Variants in STAU1 observed in about 807,000 individuals in gnomAD.
STAU1 encodes staufen double-stranded RNA binding protein 1.
Under a neutral mutation model 62.9 loss-of-function variants are expected in STAU1, and 13 were observed. The observed-to-expected ratio is 0.21, with a 90% CI of 0.13 to 0.33. The LOEUF (loss-of-function observed/expected upper bound fraction) is 0.33, where lower values mean the gene tolerates loss of function less well. STAU1 is among the 10% of genes least tolerant of loss of function. The pLI is 1.00. For synonymous variants in STAU1, 269 were observed against 265.1 expected (o/e 1.01, Z -0.14); for missense variants, 571 against 712.1 (o/e 0.80, Z 2.25).
At chr20:49,124,640 C>T (rs774379338) in intron 6 of STAU1, 53 bp from the exon 7 acceptor site, 1 of 1,586,334 alleles carries the variant, frequency 6.3e-7, no homozygotes, top group East Asian at 2.2e-5. Flanking sequence ...ATTAAAAGCT[C>T]CAAGGCACAC....
intron 2 of STAU1, among the ~76,000 whole-genome samples, chr20:49,166,998 G>A (rs1329398185): frequency 6.6e-6 from 1 of 152,170 alleles, no homozygotes; most frequent in Non-Finnish European, 1.5e-5. Context: ...CAAAAGTGGA[G>A]ATGAAGAAGA....
At chr20:49,153,906 CA>C (rs3092191) in intron 4 of STAU1, 26 bp downstream of exon 4, 217,360 of 1,338,430 alleles carry the variant, frequency 0.16, 1,159 homozygotes, top group East Asian at 0.23. Context: ...CTGTATTTTA[CA>C]AAAAAAAAAA....
At chr20:49,200,504 G>A in the STAU1 span, among the ~76,000 whole-genome samples, 4 of 152,074 alleles carry the variant, frequency 2.6e-5, no homozygotes, top group Non-Finnish European at 5.9e-5. Context: ...GGGAGGCTGA[G>A]GCAGGAGAAT....
intron 5 of STAU1, among the ~76,000 whole-genome samples, chr20:49,141,716 G>A (rs556905616): frequency 6.6e-6 from 1 of 150,988 alleles, no homozygotes; most frequent in South Asian, 2.1e-4. Flanking sequence ...CCAACATGAC[G>A]AAACCCCATC....
intron 5 of STAU1, among the ~76,000 whole-genome samples, chr20:49,136,301 C>T (rs1267192126): frequency 6.6e-6 from 1 of 151,956 alleles, no homozygotes; most frequent in Non-Finnish European, 1.5e-5. Flanking sequence ...AGACGCTGTC[C>T]CCCACAAAAA....
At chr20:49,136,800 C>T (rs1256489144) in intron 5 of STAU1, among the ~76,000 whole-genome samples, 3 of 152,166 alleles carry the variant, frequency 2.0e-5, no homozygotes, top group East Asian at 1.9e-4. Context: ...CAGGTTCAAG[C>T]GATTCTCCTG....
At chr20:49,158,402 T>C (rs758113858) in intron 3 of STAU1, 4 of 1,295,924 alleles carry the variant, frequency 3.1e-6, no homozygotes, top group South Asian at 2.5e-5. Context: ...TCTAGGTCAT[T>C]TAAATTTGGT....
chr20:49,179,446 A>G (rs1252470279), intron 1 of STAU1, among the ~76,000 whole-genome samples: 1 of 152,200 alleles, frequency 6.6e-6, no homozygotes, highest in Non-Finnish European at 1.5e-5. Flanking sequence ...CCAAAAGGAA[A>G]CTTATTTGCC....
intron 1 of STAU1, among the ~76,000 whole-genome samples, chr20:49,187,758 G>C (rs2093806289): frequency 7.2e-6 from 1 of 139,370 alleles, no homozygotes; most frequent in African/African-American, 2.8e-5. Context: ...CAGCCCTCGG[G>C]GACCTGAAGC....
the STAU1 span, among the ~76,000 whole-genome samples, chr20:49,196,553 G>A: frequency 2.6e-5 from 4 of 152,138 alleles, no homozygotes; most frequent in South Asian, 2.1e-4. Context: ...TTGGGAGGCC[G>A]AGGCCGGCAG....
At chr20:49,139,130 A>G (rs181728941) in intron 5 of STAU1, among the ~76,000 whole-genome samples, 8 of 152,238 alleles carry the variant, frequency 5.3e-5, no homozygotes, top group East Asian at 3.8e-4. Context: ...CTAAAACAGT[A>G]AAGTTCCTAG....
rs2093527505 is a variant in STAU1, at chr20:49,166,425, AAT to A, written c.-84-142_-84-141del. 4 of 544,112 alleles carry A rather than the reference AAT, an allele frequency of 7.4e-6. No homozygotes were observed. The East Asian group carries it at 9.4e-5, about 13-fold the overall frequency. The allele number at this position is 544,112 out of a possible 1,614,324, so 33.7% of individuals were successfully genotyped here. On this transcript the variant is annotated intron_variant, in intron 2 of 13. Coordinates refer to ENST00000371856, the MANE Select transcript of STAU1 (RefSeq NM_017453.4). ...CATGTAGCTATGTTGATTTATTCGAAATATGTTTCTCCTTGGTATACAGTAAG... is the reference window on the plus strand; with the variant it reads ...CATGTAGCTATGTTGATTTATTCGAAATGTTTCTCCTTGGTATACAGTAAG...
At chr20:49,189,510 C>A (rs1416995960), upstream of STAU1, among the ~76,000 whole-genome samples, 1 of 150,262 alleles carries the variant, frequency 6.7e-6, no homozygotes, top group Admixed American at 6.7e-5. Flanking sequence ...ATCACAGCTA[C>A]TTGGGAGGCT....
chr20:49,119,859 A>G, intron 9 of STAU1, 123 bp downstream of exon 9: 1 of 1,207,030 alleles, frequency 8.3e-7, no homozygotes, highest in Non-Finnish European at 1.1e-6. Flanking sequence ...GACACTCCTC[A>G]GCAGGACTCC....
intron 6 of STAU1, among the ~76,000 whole-genome samples, chr20:49,125,214 A>AAACAAAAAAAAAAAAAAC (rs1555836529): frequency 6.8e-6 from 1 of 146,054 alleles, no homozygotes; most frequent in African/African-American, 2.5e-5. Flanking sequence ...AAAAAAAAAA[A>AAACAAAAAAAAAAAAAAC]AAAAAAAAAA....
At chr20:49,176,899 A>G (rs936533199) in intron 1 of STAU1, among the ~76,000 whole-genome samples, 2 of 149,074 alleles carry the variant, frequency 1.3e-5, no homozygotes, top group Non-Finnish European at 3.0e-5. Flanking sequence ...TATTCTGAGA[A>G]GCAGGGTGTC....
chr20:49,209,640 G>A, the STAU1 span, among the ~76,000 whole-genome samples: 6 of 152,082 alleles, frequency 3.9e-5, no homozygotes, highest in African/African-American at 1.4e-4. Context: ...GCTACTTGAA[G>A]GCTGAGGCAG....
intron 6 of STAU1, among the ~76,000 whole-genome samples, chr20:49,127,681 G>A (rs1267654124): frequency 2.0e-5 from 3 of 151,264 alleles, no homozygotes; most frequent in Non-Finnish European, 4.4e-5. Flanking sequence ...ATTCCAGCCC[G>A]GATGACAGAG....
upstream of STAU1, among the ~76,000 whole-genome samples, chr20:49,191,604 G>A (rs1467141406): frequency 6.6e-6 from 1 of 152,118 alleles, no homozygotes; most frequent in Admixed American, 6.6e-5. Flanking sequence ...AGGGTTGATT[G>A]GTGTATGTCA....
Sources: allele counts gnomAD v4.1 joint callset (sites outside exome capture counted in the v4.1 genomes callset), GRCh38; gene constraint gnomAD v4.1.1; transcripts MANE v1.5; gene names NCBI Gene and HGNC (gene_info 2026-07-23, HGNC 2026-07-21).